HMGN5: variants seen among roughly 807,000 people sequenced by gnomAD.
The protein encoded by HMGN5 is high mobility group nucleosome-binding domain-containing protein 5.
A neutral mutation model predicts 9.5 loss-of-function variants in HMGN5; 4 were observed. That is an observed-to-expected ratio of 0.42 (90% CI 0.21 to 0.96). The LOEUF (loss-of-function observed/expected upper bound fraction) is 0.96, where lower values mean the gene tolerates loss of function less well. Ranked by LOEUF, HMGN5 falls within the 40% of genes least tolerant of loss-of-function variation. The pLI, the probability that HMGN5 is intolerant of heterozygous loss-of-function variation, is 0.30. For missense variants in HMGN5, 192 were observed against 187.5 expected, an observed-to-expected ratio of 1.02 and a Z score of -0.14; for synonymous variants, 55 against 57.1, an observed-to-expected ratio of 0.96 and a Z score of 0.16.
At chrX:81,157,849 G>A (rs1055104599) in intron 1 of HMGN5, among the ~76,000 whole-genome samples, 5 of 109,835 alleles carry the variant, frequency 4.6e-5, no homozygotes, top group African/African-American at 6.7e-5. Flanking sequence ...GCGCAATCTC[G>A]GCTCACTGCA....
At chrX:81,183,297 T>C (rs950175972) in intron 1 of HMGN5, among the ~76,000 whole-genome samples, 1 of 110,918 alleles carries the variant, frequency 9.0e-6, no homozygotes, top group African/African-American at 3.3e-5. Context: ...AAAAAAAAAA[T>C]GCCTTGAAAG....
At chrX:81,116,952 G>A (rs770281422) in intron 5 of HMGN5, among the ~76,000 whole-genome samples, 2 of 110,796 alleles carry the variant, frequency 1.8e-5, no homozygotes, top group African/African-American at 6.6e-5. Flanking sequence ...TTGAGGGGCC[G>A]GAAAACCTGT....
chrX:81,146,299 C>CTTT (rs2075343541), intron 1 of HMGN5, among the ~76,000 whole-genome samples: 3 of 111,824 alleles, frequency 2.7e-5, no homozygotes, highest in African/African-American at 9.7e-5. Context: ...ATAACAGTCT[C>CTTT]TCAGACCACA....
chrX:81,118,473 C>A lies in HMGN5; in HGVS notation c.88G>T (p.Val30Phe), dbSNP rs1255213306. Residue 30 changes from valine to phenylalanine, a missense_variant, in exon 5 of 7, where the codon GTT (valine) becomes TTT (phenylalanine). Transcript: ENST00000358130. Reference sequence around the variant, plus strand: ...CTTTTAGGCTTCACCTCTGGTGTAACTGGCACAAGCATCTGCTTCAAGTTG... The same window carrying A: ...CTTTTAGGCTTCACCTCTGGTGTAAATGGCACAAGCATCTGCTTCAAGTTG... ...SARLSAMLVP[V>F]TPEVKPKRTS... The A allele has an allele frequency of 1.7e-6, 2 of 1,178,839 alleles. No homozygotes were observed. Among genetic ancestry groups the A allele is most frequent in the Admixed American group, 4.6e-5 (2 of 43,696 alleles).
intron 3 of HMGN5, among the ~76,000 whole-genome samples, chrX:81,119,435 C>A (rs916906281): frequency 1.8e-5 from 2 of 111,571 alleles, no homozygotes; most frequent in Non-Finnish European, 3.8e-5. Flanking sequence ...TTTAGAGCCT[C>A]AACTTTCTAA....
intron 1 of HMGN5, among the ~76,000 whole-genome samples, chrX:81,135,960 C>T (rs1414185483): frequency 3.6e-5 from 4 of 110,976 alleles, no homozygotes; most frequent in Admixed American, 9.6e-5. Flanking sequence ...TGTTATAAAA[C>T]GGGTCAGCCT....
intron 1 of HMGN5, among the ~76,000 whole-genome samples, chrX:81,140,803 C>A (rs980967625): frequency 1.8e-5 from 2 of 110,852 alleles, no homozygotes; most frequent in African/African-American, 6.6e-5. Context: ...GGAATTTTGT[C>A]TTGCACCTTA....
intron 1 of HMGN5, among the ~76,000 whole-genome samples, chrX:81,181,808 C>T (rs1356606858): frequency 8.9e-6 from 1 of 112,113 alleles, no homozygotes; most frequent in African/African-American, 3.2e-5. Flanking sequence ...GAATAGTAGT[C>T]AGTTGTGTAT....
intron 1 of HMGN5, among the ~76,000 whole-genome samples, chrX:81,121,908 G>A (rs368444842): frequency 1.2e-4 from 13 of 112,686 alleles, no homozygotes; most frequent in African/African-American, 4.2e-4. Context: ...CAAGGGCTAA[G>A]CGATCAGGAA....
Position 81,115,280 on chromosome X carries a change from C to CCA in HMGN5, c.268-52_268-51dup, listed in dbSNP as rs776784642. 4.6e-6 allele frequency: 5 copies of CCA among 1,080,459 alleles called. No individual in the cohort carries two copies. In the Admixed American group the frequency reaches 1.7e-4, roughly 36 times the overall value. The allele number at this position is 1,080,459 out of a possible 1,213,427, so 89.0% of individuals were successfully genotyped here. On this transcript the variant is annotated intron_variant, in intron 6 of 6. Coordinates refer to ENST00000358130, the MANE Select transcript of HMGN5 (RefSeq NM_030763.3). ...CAAGATTCTGTCTGTAAATTTAGAA[C>CCA]CATTTCCCCTAAATATTTACACTGG...
intron 1 of HMGN5, among the ~76,000 whole-genome samples, chrX:81,127,285 C>T (rs1332958878): frequency 1.8e-5 from 2 of 111,310 alleles, no homozygotes; most frequent in Admixed American, 1.9e-4. Flanking sequence ...TGATAAATGC[C>T]CCAGGCTGCC....
chrX:81,161,947 T>C (rs2075398632), intron 1 of HMGN5, among the ~76,000 whole-genome samples: 1 of 111,685 alleles, frequency 9.0e-6, no homozygotes, highest in Admixed American at 9.6e-5. Context: ...ACTATTTCAC[T>C]TTCCCAGTCT....
At chrX:81,146,910 A>C (rs1187686063) in intron 1 of HMGN5, among the ~76,000 whole-genome samples, 2 of 112,033 alleles carry the variant, frequency 1.8e-5, no homozygotes, top group African/African-American at 6.5e-5. Context: ...GAAATGGATA[A>C]GTTCCAGGAC....
In HMGN5 at chrX:81,157,472, C is replaced by T. The variant is rs5913409; in HGVS notation, c.-123-35800G>A. Among the ~76,000 whole-genome samples, 637 of 111,464 alleles carry T rather than the reference C, an allele frequency of 5.7e-3. 4 individuals carry two copies. The highest frequency in any genetic ancestry group is 9.4e-3 in the Non-Finnish European group (501 of 53,087). The stretch of plus-strand genomic sequence containing the variant: ...GTTGTTCACATAAAAGTGTCGAAAG[C>T]GTTTCCTTGAATGTCATGGTTAGGG... On this transcript the variant is annotated intron_variant, in intron 1 of 6. Coordinates refer to ENST00000358130, the MANE Select transcript of HMGN5 (RefSeq NM_030763.3).
At chrX:81,194,061 A>C (rs1043543661) in intron 1 of HMGN5, among the ~76,000 whole-genome samples, 1 of 111,846 alleles carries the variant, frequency 8.9e-6, no homozygotes, top group African/African-American at 3.2e-5. Flanking sequence ...TGGTATTGCA[A>C]AATAGTGGGA....
At chrX:81,128,884 T>C (rs1250698676) in intron 1 of HMGN5, among the ~76,000 whole-genome samples, 4 of 112,135 alleles carry the variant, frequency 3.6e-5, no homozygotes, top group African/African-American at 1.3e-4. Flanking sequence ...TTTTGCTTTG[T>C]TTACATTTTA....
At chrX:81,175,248 A>G (rs1043661565) in intron 1 of HMGN5, among the ~76,000 whole-genome samples, 15 of 111,739 alleles carry the variant, frequency 1.3e-4, no homozygotes, top group Non-Finnish European at 2.3e-4. Context: ...CTAAATGTTA[A>G]TAGAATGGTG....
At chrX:81,138,075 A>T (rs1286087584) in intron 1 of HMGN5, among the ~76,000 whole-genome samples, 2 of 111,833 alleles carry the variant, frequency 1.8e-5, no homozygotes, top group African/African-American at 3.2e-5. Flanking sequence ...AAATTCAAAG[A>T]TATAACATTT....
At chrX:81,190,263 T>G (rs777392200) in intron 1 of HMGN5, among the ~76,000 whole-genome samples, 40 of 112,077 alleles carry the variant, frequency 3.6e-4, no homozygotes, top group Admixed American at 3.5e-3. Context: ...TGACAGTGTC[T>G]TCTGCAGAGC....
Sources: allele counts gnomAD v4.1 joint callset (sites outside exome capture counted in the v4.1 genomes callset), GRCh38; gene constraint gnomAD v4.1.1; transcripts MANE v1.5; gene names NCBI Gene and HGNC (gene_info 2026-07-23, HGNC 2026-07-21).